The following RBFOX1 variants were observed in gnomAD, a reference collection of about 807,000 sequenced individuals.
The protein encoded by RBFOX1 is RNA binding fox-1 homolog 1.
In RBFOX1, 8 loss-of-function variants were observed where a neutral mutation model predicts 57.7. The ratio of observed to expected loss-of-function variants is 0.14; its 90% CI spans 0.08 to 0.25. The LOEUF (loss-of-function observed/expected upper bound fraction) is 0.25, where lower values mean the gene tolerates loss of function less well. Among genes scored for constraint, RBFOX1 ranks in the 10% least tolerant of loss-of-function variants. The pLI is 1.00. For missense variants in RBFOX1, 611 were observed against 548.5 expected (o/e 1.11, Z -1.14); for synonymous variants, 326 against 222.4 (o/e 1.47, Z -4.15).
intron 2 of RBFOX1, among the ~76,000 whole-genome samples, chr16:5,511,008 G>C (rs563882831): frequency 5.9e-5 from 9 of 152,026 alleles, no homozygotes; most frequent in African/African-American, 1.9e-4. Flanking sequence ...TTTTACTTAC[G>C]TCATTGCTGA....
At chr16:7,296,546 A>G (rs2095895468) in intron 4 of RBFOX1, among the ~76,000 whole-genome samples, 1 of 152,162 alleles carries the variant, frequency 6.6e-6, no homozygotes, top group Non-Finnish European at 1.5e-5. Flanking sequence ...TAAGGCTCGG[A>G]ATGGTTAGCT....
At chr16:5,626,393 A>G (rs74372350) in intron 3 of RBFOX1, among the ~76,000 whole-genome samples, 2,922 of 152,240 alleles carry the variant, frequency 0.019, 43 homozygotes, top group Non-Finnish European at 0.03. Flanking sequence ...TTAGGAGGAC[A>G]CCAGTCAGGT....
intron 4 of RBFOX1, among the ~76,000 whole-genome samples, chr16:7,197,632 C>T (rs2087070830): frequency 6.6e-6 from 1 of 152,140 alleles, no homozygotes; most frequent in African/African-American, 2.4e-5. Context: ...CAGAAATGTT[C>T]ATCACAGCAT....
intron 1 of RBFOX1, among the ~76,000 whole-genome samples, chr16:6,192,122 C>G (rs1598237224): frequency 6.6e-6 from 1 of 152,188 alleles, no homozygotes; most frequent in African/African-American, 2.4e-5. Flanking sequence ...TCCCCTGTAT[C>G]AATAACTATT....
intron 1 of RBFOX1, among the ~76,000 whole-genome samples, chr16:5,354,708 G>C (rs1156592914): frequency 2.6e-5 from 4 of 152,204 alleles, no homozygotes; most frequent in Non-Finnish European, 5.9e-5. Context: ...GCTGTCTTAA[G>C]TGTGGTCCTT....
intron 4 of RBFOX1, among the ~76,000 whole-genome samples, chr16:5,889,700 C>T (rs890497832): frequency 4.6e-5 from 7 of 152,318 alleles, no homozygotes; most frequent in South Asian, 2.1e-4. Context: ...AGCGCCTGTC[C>T]GTGGCAGCCC....
chr16:7,096,496 G>T (rs867057450), intron 4 of RBFOX1, among the ~76,000 whole-genome samples: 2 of 152,114 alleles, frequency 1.3e-5, no homozygotes, highest in South Asian at 2.1e-4. Flanking sequence ...GAAGTAGTAG[G>T]CTCTAGGAAA....
intron 3 of RBFOX1, among the ~76,000 whole-genome samples, chr16:5,680,170 C>A (rs2050288652): frequency 6.6e-6 from 1 of 152,124 alleles, no homozygotes; most frequent in South Asian, 2.1e-4. Flanking sequence ...TACAAAAACA[C>A]ATGAGCTGTG....
At chr16:5,566,331 C>G (rs556224044) in intron 2 of RBFOX1, among the ~76,000 whole-genome samples, 1 of 151,820 alleles carries the variant, frequency 6.6e-6, no homozygotes, top group South Asian at 2.1e-4. Context: ...GGAAGATAGA[C>G]CGTTGATGTA....
intron 2 of RBFOX1, among the ~76,000 whole-genome samples, chr16:6,559,147 G>A (rs1458558211): frequency 1.3e-5 from 2 of 149,928 alleles, no homozygotes. Flanking sequence ...ATACATATGT[G>A]TATATATATG....
At chr16:5,746,358 G>T (rs2052980796) in intron 3 of RBFOX1, among the ~76,000 whole-genome samples, 1 of 152,172 alleles carries the variant, frequency 6.6e-6, no homozygotes. Context: ...AGTATAGTTT[G>T]CAGTCAGGTA....
At chr16:7,016,216 A>G (rs1021925657) in intron 3 of RBFOX1, among the ~76,000 whole-genome samples, 1 of 152,158 alleles carries the variant, frequency 6.6e-6, no homozygotes, top group African/African-American at 2.4e-5. Flanking sequence ...ATCGCCATCA[A>G]CATGTATCCC....
intron 1 of RBFOX1, among the ~76,000 whole-genome samples, chr16:5,438,390 C>T (rs1260068471): frequency 1.3e-5 from 2 of 152,164 alleles, no homozygotes; most frequent in East Asian, 3.9e-4. Context: ...TTGTGCCAGG[C>T]ACTGTTAGAG....
At chr16:6,602,787 A>C (rs577257750) in intron 2 of RBFOX1, among the ~76,000 whole-genome samples, 7 of 152,216 alleles carry the variant, frequency 4.6e-5, no homozygotes, top group Admixed American at 3.3e-4. Flanking sequence ...ATCATTTAGC[A>C]CCTGGAAAAA....
chr16:6,998,443 G>C (rs916500941), intron 3 of RBFOX1, among the ~76,000 whole-genome samples: 1 of 152,172 alleles, frequency 6.6e-6, no homozygotes, highest in Admixed American at 6.5e-5. Flanking sequence ...TTTGGGGATG[G>C]GGGCAGTTGT....
intron 10 of RBFOX1, among the ~76,000 whole-genome samples, chr16:7,617,659 A>T (rs2058674209): frequency 6.6e-6 from 1 of 152,190 alleles, no homozygotes; most frequent in Non-Finnish European, 1.5e-5. Context: ...TGTTTCCATG[A>T]ATTCACCTTT....
intron 2 of RBFOX1, among the ~76,000 whole-genome samples, chr16:5,516,160 C>T (rs556525321): frequency 1.2e-3 from 188 of 152,288 alleles, no homozygotes; most frequent in African/African-American, 4.3e-3. Context: ...ACAAAGATGC[C>T]ACTCCTCCAA....
chr16:6,139,469 A>C (rs80045754), intron 1 of RBFOX1, among the ~76,000 whole-genome samples: 6 of 152,172 alleles, frequency 3.9e-5, no homozygotes, highest in Non-Finnish European at 8.8e-5. Context: ...CCCATTCAGC[A>C]CAGTTCAGCC....
intron 10 of RBFOX1, among the ~76,000 whole-genome samples, chr16:7,618,589 G>C (rs1173336626): frequency 6.6e-6 from 1 of 152,144 alleles, no homozygotes; most frequent in East Asian, 1.9e-4. Flanking sequence ...TAGTTTGAAA[G>C]ACTTTTTGCT....
Sources: gnomAD v4.1 joint callset for allele counts (sites outside exome capture counted in the v4.1 genomes callset) on GRCh38, gnomAD v4.1.1 for gene constraint, MANE v1.5 for transcripts, NCBI Gene and HGNC (gene_info 2026-07-23, HGNC 2026-07-21) for gene names.